The following PTPRK variants were observed in gnomAD, a reference collection of about 807,000 sequenced individuals.
The protein encoded by PTPRK is protein tyrosine phosphatase receptor type K, also known as receptor-type tyrosine-protein phosphatase kappa.
Under a neutral mutation model 178.0 loss-of-function variants are expected in PTPRK, and 75 were observed. The ratio of observed to expected loss-of-function variants is 0.42; its 90% CI spans 0.35 to 0.51. PTPRK has a LOEUF of 0.51. PTPRK is among the 20% of genes least tolerant of loss of function. The pLI is 0.02. For synonymous variants in PTPRK, 637 were observed against 620.6 expected (o/e 1.03, Z -0.39); for missense variants, 1,441 against 1,797.8 (o/e 0.80, Z 3.59).
At chr6:128,487,738 C>A (rs757720991) in intron 1 of PTPRK, among the ~76,000 whole-genome samples, 12 of 152,128 alleles carry the variant, frequency 7.9e-5, no homozygotes, top group Non-Finnish European at 1.6e-4. Context: ...GTCTTTGGGC[C>A]TTCATTTCAG....
intron 7 of PTPRK, among the ~76,000 whole-genome samples, chr6:128,126,943 T>G (rs572856763): frequency 6.6e-6 from 1 of 151,870 alleles, no homozygotes; most frequent in East Asian, 2.0e-4. Context: ...ACATCCATGT[T>G]AGCAACTGGT....
intron 7 of PTPRK, among the ~76,000 whole-genome samples, chr6:128,110,443 A>G (rs1413261355): frequency 6.6e-6 from 1 of 152,102 alleles, no homozygotes; most frequent in Admixed American, 6.6e-5. Context: ...ACAAGCCATT[A>G]ATGTGCAGAG....
chr6:128,071,999 T>C (rs1326290638), intron 11 of PTPRK, among the ~76,000 whole-genome samples: 2 of 152,080 alleles, frequency 1.3e-5, no homozygotes, highest in Admixed American at 1.3e-4. Flanking sequence ...ATTGTGCTTC[T>C]TCATTCTTCT....
intron 13 of PTPRK, among the ~76,000 whole-genome samples, chr6:128,021,641 A>C (rs963290332): frequency 6.6e-6 from 1 of 151,966 alleles, no homozygotes; most frequent in East Asian, 1.9e-4. Context: ...CTCCGTCTCA[A>C]AAAAAAAGAA....
chr6:128,314,227 G>C (rs1827677670), intron 3 of PTPRK, among the ~76,000 whole-genome samples: 1 of 152,102 alleles, frequency 6.6e-6, no homozygotes, highest in Non-Finnish European at 1.5e-5. Flanking sequence ...TTTAGCACTT[G>C]TTGTATTCTA....
intron 3 of PTPRK, among the ~76,000 whole-genome samples, chr6:128,306,324 G>A (rs1355422948): frequency 6.6e-6 from 1 of 152,174 alleles, no homozygotes; most frequent in Non-Finnish European, 1.5e-5. Context: ...AGTTAGTGGA[G>A]CAATGGATAC....
intron 20 of PTPRK, 25 bp from the exon 21 acceptor site, chr6:127,990,910 A>T: frequency 7.4e-6 from 10 of 1,345,386 alleles, no homozygotes; most frequent in Non-Finnish European, 1.1e-5. Flanking sequence ...GAATATATAG[A>T]CAGACCTGAA....
chr6:128,437,134 G>A (rs906353168), intron 1 of PTPRK, among the ~76,000 whole-genome samples: 2 of 152,172 alleles, frequency 1.3e-5, no homozygotes, highest in African/African-American at 4.8e-5. Context: ...GATATTCATG[G>A]TTGAGGGACT....
intron 2 of PTPRK, among the ~76,000 whole-genome samples, chr6:128,381,272 G>A (rs1326329362): frequency 2.0e-5 from 3 of 152,114 alleles, no homozygotes; most frequent in Admixed American, 2.0e-4. Context: ...CTTAAGACTT[G>A]AGAAATAATA....
At chr6:128,243,906 G>T (rs1039709891) in intron 3 of PTPRK, among the ~76,000 whole-genome samples, 1 of 152,068 alleles carries the variant, frequency 6.6e-6, no homozygotes, top group East Asian at 1.9e-4. Flanking sequence ...AACATATTTG[G>T]CTATAAAGTG....
rs188715213 is a variant in PTPRK at position 128,292,543 on chromosome 6, C to T, written c.495+29496G>A. ...TCAGATATTATTTTAGATTTATTTT[C>T]CCCAGGCATCAGACACAAAGAAATA... On this transcript the variant is annotated intron_variant, in intron 3 of 29. Transcript: ENST00000368226. Among the ~76,000 whole-genome samples, 114 of 152,112 alleles carry T rather than the reference C, an allele frequency of 7.5e-4. 2 individuals carry two copies. Among genetic ancestry groups the T allele is most frequent in the Non-Finnish European group, 1.0e-4 (7 of 67,980 alleles).
At chr6:128,417,777 C>T (rs371472970) in intron 1 of PTPRK, among the ~76,000 whole-genome samples, 26 of 152,266 alleles carry the variant, frequency 1.7e-4, no homozygotes, top group East Asian at 1.4e-3. Flanking sequence ...TCATGGTTTG[C>T]TTTTCCTCCC....
chr6:128,427,928 T>TA (rs1844361264), intron 1 of PTPRK, among the ~76,000 whole-genome samples: 1 of 151,866 alleles, frequency 6.6e-6, no homozygotes, highest in South Asian at 2.1e-4. Context: ...TCGTCTCTAC[T>TA]AAAAAACACA....
chr6:128,194,363 G>T (rs1804503672), intron 6 of PTPRK, among the ~76,000 whole-genome samples: 1 of 152,100 alleles, frequency 6.6e-6, no homozygotes. Flanking sequence ...TGGGATTACA[G>T]GCGTGAGCCA....
intron 3 of PTPRK, among the ~76,000 whole-genome samples, chr6:128,250,729 T>C (rs1195663520): frequency 6.6e-6 from 1 of 152,206 alleles, no homozygotes; most frequent in Non-Finnish European, 1.5e-5. Context: ...CCCAGAAGAT[T>C]TTCTACAGAG....
intron 12 of PTPRK, 114 bp downstream of exon 12, chr6:128,067,405 T>A: frequency 8.1e-7 from 1 of 1,227,808 alleles, no homozygotes; most frequent in Non-Finnish European, 1.1e-6. Context: ...ACCCCCTACA[T>A]GCAAATTTTC....
chr6:128,328,156 G>T lies in PTPRK; in HGVS notation c.224-5846C>A, dbSNP rs559315613. Among the ~76,000 whole-genome samples the T allele has an allele frequency of 2.6e-5, 4 of 152,294 alleles. No homozygotes were observed. In the South Asian group the frequency reaches 6.2e-4, roughly 24 times the overall value. On this transcript the variant is annotated intron_variant, in intron 2 of 29. Coordinates refer to ENST00000368226, the MANE Select transcript of PTPRK (RefSeq NM_002844.4). ...GATCACAATTCAACCAAGAATAGAT[G>T]ATCCTTCTTTCTTAAGTGTCTCTCC...
At chr6:128,401,252 C>T (rs184691223) in intron 1 of PTPRK, among the ~76,000 whole-genome samples, 82 of 152,258 alleles carry the variant, frequency 5.4e-4, no homozygotes, top group African/African-American at 1.9e-3. Context: ...TATCTTTTTA[C>T]TCCGAAACTG....
intron 5 of PTPRK, among the ~76,000 whole-genome samples, chr6:128,222,078 GTTC>G (rs1191104879): frequency 6.6e-6 from 1 of 152,028 alleles, no homozygotes; most frequent in Non-Finnish European, 1.5e-5. Flanking sequence ...GTATTTCTCA[GTTC>G]TTCTGCACGA....
Sources: gnomAD v4.1 joint callset for allele counts (sites outside exome capture counted in the v4.1 genomes callset) on GRCh38, gnomAD v4.1.1 for gene constraint, MANE v1.5 for transcripts, NCBI Gene and HGNC (gene_info 2026-07-23, HGNC 2026-07-21) for gene names.